MEIOB: variants seen among roughly 807,000 people sequenced by gnomAD.
The protein encoded by MEIOB is meiosis specific with OB-fold.
MEIOB carries 50 observed loss-of-function variants against 53.1 expected under a neutral mutation model. That is an observed-to-expected ratio of 0.94 (90% CI 0.75 to 1.19). The LOEUF (loss-of-function observed/expected upper bound fraction) is 1.19, where lower values mean the gene tolerates loss of function less well. Ranked by LOEUF, MEIOB falls within the 50% of genes most tolerant of loss-of-function variation. The probability of loss-of-function intolerance (pLI) is 0.00; values close to 1 mark genes in which losing one functional copy is unlikely to be tolerated. For missense variants in MEIOB, 551 were observed against 550.8 expected, an observed-to-expected ratio of 1.00 and a Z score of 0.00; for synonymous variants, 192 against 182.5, an observed-to-expected ratio of 1.05 and a Z score of -0.42.
At chr16:1,865,877 G>T (rs1899582045) in intron 2 of MEIOB, 42 bp from the exon 3 acceptor site, 28 of 1,341,820 alleles carry the variant, frequency 2.1e-5, no homozygotes, top group Non-Finnish European at 2.9e-5. Context: ...ATTAAACACA[G>T]ATGTACTTGA....
intron 11 of MEIOB, among the ~76,000 whole-genome samples, chr16:1,840,433 C>T (rs188068907): frequency 5.3e-5 from 8 of 152,104 alleles, no homozygotes; most frequent in East Asian, 3.8e-4. Context: ...AATCTGAATA[C>T]GACCAGTGGA....
chr16:1,864,487 C>CTTTTTT (rs1475030667), intron 3 of MEIOB, among the ~76,000 whole-genome samples: 2 of 113,292 alleles, frequency 1.8e-5, no homozygotes, highest in Non-Finnish European at 3.6e-5. Flanking sequence ...TTTTTCTTTT[C>CTTTTTT]TTTTTTTTTT....
At chr16:1,841,343 A>G (rs994451634) in intron 11 of MEIOB, among the ~76,000 whole-genome samples, 4 of 152,124 alleles carry the variant, frequency 2.6e-5, no homozygotes, top group Non-Finnish European at 5.9e-5. Flanking sequence ...ATGCAAGTAA[A>G]TACTAACTTC....
At chr16:1,859,790 C>T (rs1459671548) in intron 5 of MEIOB, among the ~76,000 whole-genome samples, 3 of 152,082 alleles carry the variant, frequency 2.0e-5, no homozygotes, top group African/African-American at 4.8e-5. Flanking sequence ...ACACCCTTCT[C>T]TCCAGAACTG....
At chr16:1,845,059 G>T in intron 9 of MEIOB, 96 bp from the exon 10 acceptor site, 1 of 613,262 alleles carries the variant, frequency 1.6e-6, no homozygotes, top group Non-Finnish European at 2.9e-6. Context: ...AAAAAGTGAA[G>T]ACATGTAAGA....
At chr16:1,839,955 G>C (rs1285734315) in intron 11 of MEIOB, 2 of 152,442 alleles carry the variant, frequency 1.3e-5, no homozygotes, top group Non-Finnish European at 2.9e-5. Flanking sequence ...GCCTTGCAAG[G>C]CTGGCCGGGT....
chr16:1,860,672 A>G (rs1248540075), intron 4 of MEIOB, among the ~76,000 whole-genome samples, 197 bp from the exon 5 acceptor site: 1 of 152,178 alleles, frequency 6.6e-6, no homozygotes, highest in African/African-American at 2.4e-5. Flanking sequence ...CTTTATCTCC[A>G]TATGTAACTA....
At chr16:1,848,298 G>C (rs1245656064) in intron 9 of MEIOB, among the ~76,000 whole-genome samples, 1 of 152,064 alleles carries the variant, frequency 6.6e-6, no homozygotes, top group East Asian at 1.9e-4. Context: ...ATGTAATGTG[G>C]CTTGCAGAAT....
At chr16:1,850,750 C>A (rs893107496) in intron 9 of MEIOB, among the ~76,000 whole-genome samples, 8 of 151,772 alleles carry the variant, frequency 5.3e-5, no homozygotes, top group African/African-American at 1.9e-4. Flanking sequence ...GAAACCCCAT[C>A]TCTAATAAAA....
chr16:1,865,482 CGTGT>C (rs569324405), intron 3 of MEIOB, among the ~76,000 whole-genome samples: 2 of 5,504 alleles, frequency 3.6e-4, no homozygotes, highest in South Asian at 4.7e-3. Flanking sequence ...TATACACACA[CGTGT>C]ACACACATAC....
In MEIOB at chr16:1,865,026, G is replaced by A. The variant is rs144540445; in HGVS notation, c.127+752C>T. On this transcript the variant is annotated intron_variant, in intron 3 of 13. Transcript: ENST00000325962. ...CCTTAAAGATAAAAGCATCATGCCT[G>A]TAATCTGATCACTCTAGGAGGATGA... Among the ~76,000 whole-genome samples, 43 of 152,290 alleles carry A rather than the reference G, an allele frequency of 2.8e-4. No individual in the cohort carries two copies. The East Asian group carries it at 8.1e-3, about 29-fold the overall frequency.
At chr16:1,842,580 G>T (rs532970281) in intron 10 of MEIOB, among the ~76,000 whole-genome samples, 1 of 132,080 alleles carries the variant, frequency 7.6e-6, no homozygotes, top group Non-Finnish European at 1.6e-5. Context: ...CCAAGATGGC[G>T]CCATTGCACT....
chr16:1,848,261 G>T (rs1899072234), intron 9 of MEIOB, among the ~76,000 whole-genome samples: 1 of 152,104 alleles, frequency 6.6e-6, no homozygotes, highest in African/African-American at 2.4e-5. Context: ...CTCCACAAAA[G>T]CAATAGCAAA....
intron 11 of MEIOB, among the ~76,000 whole-genome samples, chr16:1,840,504 G>C (rs1898873646): frequency 6.6e-6 from 1 of 151,650 alleles, no homozygotes; most frequent in African/African-American, 2.4e-5. Flanking sequence ...TGGTAACACT[G>C]GGGGAAACGG....
At chr16:1,847,156 A>G (rs1056958475) in intron 9 of MEIOB, among the ~76,000 whole-genome samples, 1 of 151,764 alleles carries the variant, frequency 6.6e-6, no homozygotes, top group South Asian at 2.1e-4. Context: ...CTCCATTTCA[A>G]AAAAAGAGAA....
chr16:1,865,441 AAG>A (rs1555472947), intron 3 of MEIOB, among the ~76,000 whole-genome samples: 8 of 151,280 alleles, frequency 5.3e-5, no homozygotes, highest in Non-Finnish European at 8.8e-5. Flanking sequence ...CAAAAAAAAA[AAG>A]AGAGAACACA....
intron 10 of MEIOB, 99 bp downstream of exon 10, chr16:1,844,763 C>T: frequency 3.3e-6 from 2 of 612,808 alleles, no homozygotes; most frequent in Non-Finnish European, 5.9e-6. Flanking sequence ...ATAGTAGTTA[C>T]AGAATAGGAA....
At chr16:1,865,894 T>G in intron 2 of MEIOB, 59 bp from the exon 3 acceptor site, 1 of 1,161,516 alleles carries the variant, frequency 8.6e-7, no homozygotes, top group African/African-American at 1.6e-5. Flanking sequence ...TTGATAAATT[T>G]AATTTCATGG....
At chr16:1,861,479 T>C (rs366606) in intron 4 of MEIOB, among the ~76,000 whole-genome samples, 124,347 of 150,228 alleles carry the variant, frequency 0.83, 51,563 homozygotes, top group Middle Eastern at 0.9. Context: ...TTAGTAAAAA[T>C]ATAACTATCA....
Sources: gnomAD v4.1 joint callset for allele counts (sites outside exome capture counted in the v4.1 genomes callset) on GRCh38, gnomAD v4.1.1 for gene constraint, MANE v1.5 for transcripts, NCBI Gene and HGNC (gene_info 2026-07-23, HGNC 2026-07-21) for gene names.